Variants in TANC1 observed in about 807,000 individuals in gnomAD.
TANC1 encodes protein TANC1.
Under a neutral mutation model 149.7 loss-of-function variants are expected in TANC1, and 77 were observed. The ratio of observed to expected loss-of-function variants is 0.51; its 90% CI spans 0.43 to 0.62. TANC1 has a LOEUF of 0.62. Ranked by LOEUF, TANC1 falls within the 20% of genes least tolerant of loss-of-function variation. TANC1 has a pLI of 0.00. For missense variants in TANC1, 1,985 were observed against 2,321.8 expected, an observed-to-expected ratio of 0.85 and a Z score of 2.98; for synonymous variants, 854 against 925.0, an observed-to-expected ratio of 0.92 and a Z score of 1.39.
chr2:159,028,985 G>A (rs1021071512), intron 2 of TANC1, among the ~76,000 whole-genome samples: 3 of 152,012 alleles, frequency 2.0e-5, no homozygotes, highest in African/African-American at 7.3e-5. Context: ...TGAACTCATG[G>A]CCTCAAGTGG....
At chr2:159,047,971 G>A (rs1408604343) in intron 2 of TANC1, among the ~76,000 whole-genome samples, 2 of 152,170 alleles carry the variant, frequency 1.3e-5, no homozygotes, top group Non-Finnish European at 2.9e-5. Flanking sequence ...GCTAGGTATA[G>A]TCCTACAAAC....
In TANC1 at chr2:159,229,758, C is replaced by G; in HGVS notation, c.4332C>G (p.Asp1444Glu). The change falls in exon 27 of 27, where the codon GAC becomes GAG. Residue 1444 changes from aspartate to glutamate, a missense_variant. Around this residue, in one of 3 missense-constraint regions of TANC1, gnomAD observed 920 missense variants for 994.7 expected, o/e 0.92. Transcript: ENST00000263635. ...APLNDSENEEDTPTPGLSDHF... is the reference protein window; with the variant it reads ...APLNDSENEEETPTPGLSDHF... ...TCAACGACTCCGAGAACGAAGAGGA[C>G]ACCCCAACCCCTGGCTTAAGTGACC... is the stretch of plus-strand genomic sequence containing the variant. The G allele has an allele frequency of 6.2e-7, 1 of 1,614,084 alleles. No individual in the cohort carries two copies. The highest frequency in any genetic ancestry group is 8.5e-7 in the Non-Finnish European group (1 of 1,180,000).
chr2:159,120,937 C>T (rs1307281984), intron 4 of TANC1, among the ~76,000 whole-genome samples: 5 of 152,086 alleles, frequency 3.3e-5, no homozygotes, highest in Non-Finnish European at 7.4e-5. Flanking sequence ...TTGAGGCCCA[C>T]CTAGATAAGC....
chr2:159,028,718 C>T (rs1321436006), intron 2 of TANC1, among the ~76,000 whole-genome samples: 1 of 152,206 alleles, frequency 6.6e-6, no homozygotes, highest in Non-Finnish European at 1.5e-5. Context: ...AAGCTCCTGG[C>T]ATTCACCATT....
chr2:158,981,505 A>ATG (rs2034345545), intron 1 of TANC1, among the ~76,000 whole-genome samples: 1 of 68,136 alleles, frequency 1.5e-5, no homozygotes, highest in Admixed American at 1.6e-4. Context: ...ATATATATAT[A>ATG]TATATATATA....
intron 19 of TANC1, among the ~76,000 whole-genome samples, chr2:159,211,615 G>A (rs1209790310): frequency 6.6e-6 from 1 of 152,190 alleles, no homozygotes; most frequent in Non-Finnish European, 1.5e-5. Flanking sequence ...CATGTGGGTG[G>A]CTATTCTTCA....
rs2057702785 is a variant in TANC1 at position 159,194,468 on chromosome 2, G to C, written c.2954G>C (p.Cys985Ser). The C allele has an allele frequency of 1.2e-6, 2 of 1,614,244 alleles. No individual in the cohort carries two copies. The highest frequency in any genetic ancestry group is 1.7e-6 in the Non-Finnish European group (2 of 1,180,038). Residue 985 changes from cysteine to serine, a missense_variant, in exon 17 of 27, where the codon TGT (cysteine) becomes TCT (serine). Coordinates refer to ENST00000263635, the MANE Select transcript of TANC1 (RefSeq NM_033394.3). Reference protein sequence around the residue: ...AAAAGHMKLVCLLTKKGVRVD... With the variant: ...AAAAGHMKLVSLLTKKGVRVD... Reference sequence around the variant, plus strand: ...GCTGCTGGCCACATGAAGCTGGTGTGTCTGCTGACCAAGAAGGGAGTGAGA... The same window carrying C: ...GCTGCTGGCCACATGAAGCTGGTGTCTCTGCTGACCAAGAAGGGAGTGAGA...
rs1320757911 is a variant in TANC1, at chr2:159,232,524, G to C, written c.*1512G>C. On this transcript the variant is annotated 3_prime_UTR_variant, in exon 27 of 27. Coordinates refer to ENST00000263635, the MANE Select transcript of TANC1 (RefSeq NM_033394.3). ...ATGAACAGCTTTATCATTTTTATAG[G>C]CTTTCCATGAGTTTTGCTGTAACTA... The C allele has an allele frequency of 6.6e-6, 1 of 152,448 alleles. No homozygotes were observed. Among genetic ancestry groups the C allele is most frequent in the Non-Finnish European group, 1.5e-5 (1 of 67,974 alleles). The allele number at this position is 152,448 out of a possible 1,614,324, so 9.4% of individuals were successfully genotyped here. A position where few individuals can be genotyped will look rare whatever the true frequency, so the allele number is the denominator to read the frequency against.
chr2:159,112,210 C>A (rs2047796404), intron 4 of TANC1, among the ~76,000 whole-genome samples: 1 of 152,106 alleles, frequency 6.6e-6, no homozygotes, highest in Non-Finnish European at 1.5e-5. Context: ...AAAATATTCT[C>A]AGTAAGTTTT....
At chr2:159,149,960 G>C (rs570967805) in intron 6 of TANC1, 1 of 169,834 alleles carries the variant, frequency 5.9e-6, no homozygotes, top group Non-Finnish European at 1.3e-5. Context: ...TGCAGTGTTC[G>C]TGAAACATCA....
intron 5 of TANC1, among the ~76,000 whole-genome samples, chr2:159,143,062 C>CAAAAAAAAAA (rs70994269): frequency 5.7e-5 from 5 of 87,364 alleles, no homozygotes; most frequent in Admixed American, 2.6e-4. Context: ...GACTCTGTCT[C>CAAAAAAAAAA]AAAAAAAAAA....
chr2:159,167,231 C>T (rs73002944), intron 8 of TANC1, among the ~76,000 whole-genome samples: 1,611 of 152,214 alleles, frequency 0.011, 32 homozygotes, highest in African/African-American at 0.036. Flanking sequence ...AAATGAATTA[C>T]GGGTTATGAA....
At chr2:159,019,909 A>G (rs1432249828) in intron 2 of TANC1, among the ~76,000 whole-genome samples, 1 of 151,568 alleles carries the variant, frequency 6.6e-6, no homozygotes, top group South Asian at 2.1e-4. Flanking sequence ...TCATATAGCA[A>G]TGGTCAGTAA....
Position 159,091,961 on chromosome 2 carries a change from TA to T in TANC1, c.62-5675del, listed in dbSNP as rs66716205. ...GAAATCTTTCAGTTTTCTGTAAATA[TA>T]GGGGGGGGTGTGTGTGTGTATGTAT... is the stretch of plus-strand genomic sequence containing the variant. On this transcript the variant is annotated intron_variant, in intron 3 of 26. Transcript: ENST00000263635. Among the ~76,000 whole-genome samples the T allele has an allele frequency of 8.3e-3, 1,121 of 135,788 alleles. 26 individuals carry two copies. The highest frequency in any genetic ancestry group is 0.026 in the African/African-American group (868 of 33,808). 89.1% of individuals were successfully genotyped at this position (135,788 alleles called of 152,430 possible). A position where few individuals can be genotyped will look rare whatever the true frequency, so the allele number is the denominator to read the frequency against.
At chr2:159,102,280 G>A (rs1289104782) in intron 4 of TANC1, among the ~76,000 whole-genome samples, 1 of 151,874 alleles carries the variant, frequency 6.6e-6, no homozygotes, top group Non-Finnish European at 1.5e-5. Context: ...TGTCACTTAA[G>A]TTTTTTTTAT....
At chr2:159,151,075 G>A (rs1425890732) in intron 7 of TANC1, among the ~76,000 whole-genome samples, 2 of 152,134 alleles carry the variant, frequency 1.3e-5, no homozygotes, top group Non-Finnish European at 2.9e-5. Flanking sequence ...AATAAGTGTG[G>A]TTGTCCTGAA....
chr2:159,150,063 A>G (rs1356497604), intron 6 of TANC1: 1 of 243,430 alleles, frequency 4.1e-6, no homozygotes, highest in Non-Finnish European at 7.9e-6. Flanking sequence ...CCTGTTTGCC[A>G]TTTCTGTTGT....
chr2:159,176,293 G>T (rs1315802911), intron 12 of TANC1, 59 bp from the exon 13 acceptor site: 1 of 1,013,762 alleles, frequency 9.9e-7, no homozygotes, highest in African/African-American at 1.7e-5. Context: ...TACACTGGGT[G>T]TTGCTGTCTT....
chr2:159,178,436 T>C, intron 13 of TANC1, 120 bp from the exon 14 acceptor site: 1 of 1,161,540 alleles, frequency 8.6e-7, no homozygotes, highest in Non-Finnish European at 1.2e-6. Context: ...AAACAATGAG[T>C]CCCTGTAATC....
Sources: gnomAD v4.1 joint callset for allele counts (sites outside exome capture counted in the v4.1 genomes callset) on GRCh38, gnomAD v4.1.1 for gene constraint, gnomAD v4.1.1 regional missense constraint, MANE v1.5 for transcripts, NCBI Gene and HGNC (gene_info 2026-07-23, HGNC 2026-07-21) for gene names.